The following IL6ST variants were observed in gnomAD, a reference collection of about 807,000 sequenced individuals.
IL6ST encodes the protein interleukin 6 cytokine family signal transducer, also known as interleukin-6 receptor subunit beta.
IL6ST carries 24 observed loss-of-function variants against 91.3 expected under a neutral mutation model. That is an observed-to-expected ratio of 0.26 (90% CI 0.19 to 0.37). The LOEUF is 0.37. IL6ST is among the 10% of genes least tolerant of loss of function. The pLI is 1.00. For missense variants in IL6ST, 914 were observed against 1,078.5 expected (o/e 0.85, Z 2.14); for synonymous variants, 351 against 373.6 (o/e 0.94, Z 0.70).
intron 1 of IL6ST, among the ~76,000 whole-genome samples, chr5:55,988,149 G>T (rs1031276772): frequency 6.0e-5 from 9 of 149,628 alleles, no homozygotes; most frequent in Admixed American, 2.0e-4. Context: ...AAAAAAAAAG[G>T]AAGAAAGAAA....
chr5:55,946,496 C>T (rs993918150), intron 15 of IL6ST, among the ~76,000 whole-genome samples: 1 of 152,188 alleles, frequency 6.6e-6, no homozygotes, highest in Non-Finnish European at 1.5e-5. Flanking sequence ...TATATCCATA[C>T]TACAGAATAC....
chr5:55,948,961 A>G (rs1008177256), intron 14 of IL6ST: 4 of 152,212 alleles, frequency 2.6e-5, no homozygotes, highest in African/African-American at 9.6e-5. Flanking sequence ...CCATGTGAAG[A>G]AGCCATAATG....
In IL6ST at chr5:55,952,760, G is replaced by GT. The variant is rs572788749; in HGVS notation, c.1451-410dup. On this transcript the variant is annotated intron_variant, in intron 11 of 16. Transcript: ENST00000381298. Reference sequence around the variant, plus strand: ...CCTAGTTTGCGAGTTGGAAAAAAGGGTATCTTAAAAAATTTCCTCGGCCAG... The same window carrying GT: ...CCTAGTTTGCGAGTTGGAAAAAAGGGTTATCTTAAAAAATTTCCTCGGCCAG... 2.7e-4 allele frequency among the ~76,000 whole-genome samples: 41 copies of GT among 152,220 alleles called. No individual in the cohort carries two copies. The South Asian group carries it at 7.5e-3, about 28-fold the overall frequency.
At chr5:55,975,596 G>C (rs1050731496) in intron 3 of IL6ST, among the ~76,000 whole-genome samples, 1 of 151,990 alleles carries the variant, frequency 6.6e-6, no homozygotes, top group African/African-American at 2.4e-5. Context: ...CTGAATTCCT[G>C]GACTCAAGTT....
intron 2 of IL6ST, among the ~76,000 whole-genome samples, chr5:55,979,453 T>C (rs1339356416): frequency 6.6e-6 from 1 of 152,162 alleles, no homozygotes; most frequent in Non-Finnish European, 1.5e-5. Flanking sequence ...ATGAGTTCTG[T>C]TTTGCAGTAT....
At chr5:55,979,707 T>A (rs1580855911) in intron 2 of IL6ST, among the ~76,000 whole-genome samples, 2 of 152,186 alleles carry the variant, frequency 1.3e-5, no homozygotes, top group East Asian at 3.8e-4. Flanking sequence ...AAAAAAGCTC[T>A]ACCCAAACAA....
At chr5:55,970,005 A>G in intron 3 of IL6ST, 150 bp from the exon 4 acceptor site, 1 of 530,682 alleles carries the variant, frequency 1.9e-6, no homozygotes, top group Non-Finnish European at 3.3e-6. Context: ...CTGAAAATTA[A>G]TATGGTTAGA....
At chr5:55,967,631 C>T (rs941249263) in intron 5 of IL6ST, among the ~76,000 whole-genome samples, 51 of 151,630 alleles carry the variant, frequency 3.4e-4, no homozygotes, top group Admixed American at 3.3e-4. Flanking sequence ...CTTTTAGAGA[C>T]GCATACTGAA....
Position 55,937,715 on chromosome 5 carries a change from TAGAA to T in IL6ST, c.*3363_*3366del, listed in dbSNP as rs1317149206. 2 of 193,990 alleles carry T rather than the reference TAGAA, an allele frequency of 1.0e-5. No homozygotes were observed. The highest frequency in any genetic ancestry group is 2.1e-5 in the Non-Finnish European group (2 of 93,514). The allele number at this position is 193,990 out of a possible 1,614,324, so 12.0% of individuals were successfully genotyped here. Reference sequence around the variant, plus strand: ...CAATATAATCTAACAATACCTGTAATAGAAAGCTATCCCAGTAAATTTTTTTTGA... The same window carrying T: ...CAATATAATCTAACAATACCTGTAATAGCTATCCCAGTAAATTTTTTTTGA... On this transcript the variant is annotated 3_prime_UTR_variant, in exon 17 of 17. Coordinates refer to ENST00000381298, the MANE Select transcript of IL6ST (RefSeq NM_002184.4).
chr5:55,971,261 A>T (rs1752948407), intron 3 of IL6ST, among the ~76,000 whole-genome samples: 1 of 152,060 alleles, frequency 6.6e-6, no homozygotes, highest in African/African-American at 2.4e-5. Flanking sequence ...GCCTCCTCTA[A>T]CCTCCAACTT....
At position 55,954,959 on chromosome 5, in the gene IL6ST, G is replaced by C. The variant is rs140433866; in HGVS notation, c.1301C>G (p.Pro434Arg). Residue 434 changes from proline to arginine, a missense_variant, in exon 11 of 17, where the codon CCC becomes CGC. Pro to Arg is a moderately radical substitution (Grantham distance 103). Coordinates refer to ENST00000381298, the MANE Select transcript of IL6ST (RefSeq NM_002184.4). ...THPVMDLKAF[P>R]KDNMLWVEWT... ...TTCCACCCAAAGCATGTTATCTTTG[G>C]GGAATGCTTTAAGATCCATTACAGG... 1,303 of 1,611,262 alleles carry C rather than the reference G, an allele frequency of 8.1e-4. 8 individuals carry two copies. The highest frequency in any genetic ancestry group is 4.6e-3 in the Middle Eastern group (28 of 6,062).
In IL6ST at chr5:55,937,751, G is replaced by C. The variant is rs2112644574; in HGVS notation, c.*3331C>G. The C allele has an allele frequency of 5.2e-6, 1 of 193,082 alleles. No individual in the cohort carries two copies. Among genetic ancestry groups the C allele is most frequent in the South Asian group, 1.9e-4 (1 of 5,166 alleles). The allele number at this position is 193,082 out of a possible 1,614,324, so 12.0% of individuals were successfully genotyped here. A position where few individuals can be genotyped will look rare whatever the true frequency, so the allele number is the denominator to read the frequency against. On this transcript the variant is annotated 3_prime_UTR_variant, in exon 17 of 17. Coordinates refer to ENST00000381298, the MANE Select transcript of IL6ST (RefSeq NM_002184.4). ...CCCAGTAAATTTTTTTTGAACAATT[G>C]AACTTTTGTCTTATGCAGCTTATAA...
chr5:55,992,318 G>A (rs1580880017), intron 1 of IL6ST, among the ~76,000 whole-genome samples: 1 of 152,080 alleles, frequency 6.6e-6, no homozygotes, highest in Non-Finnish European at 1.5e-5. Flanking sequence ...ACTCGCTGTC[G>A]CTCAAGCGTA....
At chr5:55,959,713 T>G in intron 8 of IL6ST, 1 of 1,001,396 alleles carries the variant, frequency 1.0e-6, no homozygotes, top group Non-Finnish European at 1.4e-6. Flanking sequence ...TACAAGTATA[T>G]TTTTGATAGT....
At chr5:55,959,394 G>A (rs942559334) in intron 8 of IL6ST, among the ~76,000 whole-genome samples, 3 of 152,180 alleles carry the variant, frequency 2.0e-5, no homozygotes, top group African/African-American at 7.2e-5. Context: ...AGGGATATAG[G>A]TGGTAGGGGA....
intron 3 of IL6ST, among the ~76,000 whole-genome samples, chr5:55,971,054 A>C (rs1360825640): frequency 6.6e-6 from 1 of 152,246 alleles, no homozygotes; most frequent in Non-Finnish European, 1.5e-5. Context: ...CCATGCTTTC[A>C]ATAGCCCATT....
intron 5 of IL6ST, among the ~76,000 whole-genome samples, chr5:55,967,712 A>G (rs1752718983): frequency 6.6e-6 from 1 of 152,164 alleles, no homozygotes; most frequent in Non-Finnish European, 1.5e-5. Flanking sequence ...TACCTTTGAA[A>G]TAAGACTGGT....
At position 55,940,974 on chromosome 5, in the gene IL6ST, G is replaced by T; in HGVS notation, c.*108C>A. ...TTCATTTTTGTCCTTAAGGGCAAATGATCATCTTCAGAGAGTGAAGACTTT... is the reference window on the plus strand; with the variant it reads ...TTCATTTTTGTCCTTAAGGGCAAATTATCATCTTCAGAGAGTGAAGACTTT... On this transcript the variant is annotated 3_prime_UTR_variant, in exon 17 of 17. Transcript: ENST00000381298. The T allele has an allele frequency of 2.7e-6, 3 of 1,119,370 alleles. No homozygotes were observed. The highest frequency in any genetic ancestry group is 3.8e-6 in the Non-Finnish European group (3 of 780,542). 69.3% of individuals were successfully genotyped at this position (1,119,370 alleles called of 1,614,324 possible). A position where few individuals can be genotyped will look rare whatever the true frequency, so the allele number is the denominator to read the frequency against.
chr5:55,971,946 T>C (rs1752990317), intron 3 of IL6ST, among the ~76,000 whole-genome samples: 1 of 152,218 alleles, frequency 6.6e-6, no homozygotes, highest in South Asian at 2.1e-4. Context: ...TATAAATGCC[T>C]ACTGTAAATC....
Sources: gnomAD v4.1 joint callset for allele counts (sites outside exome capture counted in the v4.1 genomes callset) on GRCh38, gnomAD v4.1.1 for gene constraint, MANE v1.5 for transcripts, NCBI Gene and HGNC (gene_info 2026-07-23, HGNC 2026-07-21) for gene names.